The following RABGAP1L variants were observed in gnomAD, a reference collection of about 807,000 sequenced individuals.
RABGAP1L encodes the protein rab GTPase-activating protein 1-like.
In RABGAP1L, 63 loss-of-function variants were observed where a neutral mutation model predicts 137.7. That is an observed-to-expected ratio of 0.46 (90% CI 0.37 to 0.56). The LOEUF is 0.56. Ranked by LOEUF, RABGAP1L falls within the 20% of genes least tolerant of loss-of-function variation. RABGAP1L has a pLI of 0.00. For synonymous variants in RABGAP1L, 431 were observed against 433.7 expected, an observed-to-expected ratio of 0.99 and a Z score of 0.08; for missense variants, 1,095 against 1,244.0, an observed-to-expected ratio of 0.88 and a Z score of 1.80.
At chr1:174,842,497 C>CTTGG (rs1206830291) in intron 19 of RABGAP1L, among the ~76,000 whole-genome samples, 1 of 152,188 alleles carries the variant, frequency 6.6e-6, no homozygotes, top group East Asian at 1.9e-4. Context: ...TTCATATTTG[C>CTTGG]TTGGCCCTTT....
At chr1:174,788,621 C>T (rs1467382690) in intron 18 of RABGAP1L, among the ~76,000 whole-genome samples, 1 of 152,182 alleles carries the variant, frequency 6.6e-6, no homozygotes, top group Non-Finnish European at 1.5e-5. Context: ...ATCTTCGTAG[C>T]ATTCCTCACC....
intron 17 of RABGAP1L, among the ~76,000 whole-genome samples, chr1:174,718,820 G>A (rs1055998197): frequency 6.9e-6 from 1 of 144,540 alleles, no homozygotes; most frequent in African/African-American, 2.5e-5. Context: ...TAGTGTGGTA[G>A]GTTTTCTTTT....
Position 174,238,583 on chromosome 1 carries a change from G to T in RABGAP1L, c.543-2900G>T, listed in dbSNP as rs538700393. ...GTGCCTCCCAGTTAGGCTGCTCGGGGGTCAGGGGTCAGGGACCCACTTGAG... is the reference window on the plus strand; with the variant it reads ...GTGCCTCCCAGTTAGGCTGCTCGGGTGTCAGGGGTCAGGGACCCACTTGAG... On this transcript the variant is annotated intron_variant, in intron 4 of 25. Transcript: ENST00000681986. Among the ~76,000 whole-genome samples, 36 of 151,694 alleles carry T rather than the reference G, an allele frequency of 2.4e-4. No individual in the cohort carries two copies. In the South Asian group the frequency reaches 6.9e-3, roughly 29 times the overall value.
At chr1:174,206,958 T>TA (rs1020287469) in intron 1 of RABGAP1L, among the ~76,000 whole-genome samples, 9 of 152,182 alleles carry the variant, frequency 5.9e-5, no homozygotes, top group Non-Finnish European at 5.9e-5. Context: ...AGTGTGTCTT[T>TA]AAGTGATTTA....
chr1:174,255,199 G>T (rs1005501622), intron 7 of RABGAP1L, among the ~76,000 whole-genome samples: 4 of 152,082 alleles, frequency 2.6e-5, no homozygotes, highest in Non-Finnish European at 5.9e-5. Flanking sequence ...AAAAATAATG[G>T]TGAGTCTTAA....
chr1:174,953,330 C>G (rs1668020458), intron 19 of RABGAP1L, among the ~76,000 whole-genome samples: 1 of 152,176 alleles, frequency 6.6e-6, no homozygotes, highest in Non-Finnish European at 1.5e-5. Flanking sequence ...TCTTCCCCTC[C>G]CATATCTCCG....
chr1:174,497,470 G>GTTT (rs1660850358), intron 13 of RABGAP1L, among the ~76,000 whole-genome samples: 1 of 152,154 alleles, frequency 6.6e-6, no homozygotes, highest in African/African-American at 2.4e-5. Context: ...TTTCAGCCCT[G>GTTT]TCCTTCAAAA....
intron 13 of RABGAP1L, among the ~76,000 whole-genome samples, chr1:174,493,778 G>C (rs1355265135): frequency 6.9e-6 from 1 of 145,554 alleles, no homozygotes; most frequent in Non-Finnish European, 1.5e-5. Context: ...CCGAGATCAT[G>C]TCAGTGCACT....
At chr1:174,743,580 CTA>C (rs1683625890) in intron 17 of RABGAP1L, among the ~76,000 whole-genome samples, 1 of 152,102 alleles carries the variant, frequency 6.6e-6, no homozygotes, top group South Asian at 2.1e-4. Context: ...AACAAACCCC[CTA>C]TGTCACAAGT....
intron 18 of RABGAP1L, among the ~76,000 whole-genome samples, chr1:174,806,346 T>C (rs1689296327): frequency 6.6e-6 from 1 of 152,202 alleles, no homozygotes. Flanking sequence ...ACTCCTGTAA[T>C]CTTAGCTACT....
intron 17 of RABGAP1L, among the ~76,000 whole-genome samples, chr1:174,737,125 T>C (rs534856427): frequency 6.6e-6 from 1 of 152,340 alleles, no homozygotes; most frequent in Admixed American, 6.5e-5. Flanking sequence ...TGCTTTTTCA[T>C]GCTCTGCCAC....
intron 5 of RABGAP1L, among the ~76,000 whole-genome samples, chr1:174,246,540 TG>T (rs1672279495): frequency 6.6e-6 from 1 of 152,234 alleles, no homozygotes; most frequent in African/African-American, 2.4e-5. Context: ...TCATCTGTAC[TG>T]AATATCTATA....
chr1:174,186,935 A>T (rs1384417516), intron 1 of RABGAP1L, among the ~76,000 whole-genome samples: 1 of 152,168 alleles, frequency 6.6e-6, no homozygotes, highest in African/African-American at 2.4e-5. Flanking sequence ...TTAAAACTTT[A>T]AATCCTTAAA....
At chr1:174,347,061 A>C (rs1264579645) in intron 11 of RABGAP1L, among the ~76,000 whole-genome samples, 1 of 152,096 alleles carries the variant, frequency 6.6e-6, no homozygotes, top group African/African-American at 2.4e-5. Context: ...AGTTTTATTT[A>C]GTTGTGGGCA....
chr1:174,369,322 T>A (rs1046141910), intron 11 of RABGAP1L, among the ~76,000 whole-genome samples: 5 of 152,146 alleles, frequency 3.3e-5, no homozygotes, highest in African/African-American at 1.2e-4. Context: ...CCTGAGTAGC[T>A]GGGACTATAG....
At chr1:174,747,872 T>C (rs1479158554) in intron 17 of RABGAP1L, among the ~76,000 whole-genome samples, 1 of 56,142 alleles carries the variant, frequency 1.8e-5, no homozygotes, top group Non-Finnish European at 3.0e-5. Flanking sequence ...GCATTTTATC[T>C]TTTTTTTTTT....
chr1:174,653,338 T>TA (rs1053935948), intron 14 of RABGAP1L, among the ~76,000 whole-genome samples: 1 of 151,778 alleles, frequency 6.6e-6, no homozygotes. Context: ...ACTGGGGTAT[T>TA]AAAAAAAACT....
intron 13 of RABGAP1L, among the ~76,000 whole-genome samples, chr1:174,411,129 G>T (rs922411373): frequency 6.6e-6 from 1 of 152,074 alleles, no homozygotes; most frequent in Admixed American, 6.6e-5. Context: ...TCAGTTCCAG[G>T]AACCTTCTGG....
At chr1:174,436,935 C>T (rs1023523072) in intron 13 of RABGAP1L, among the ~76,000 whole-genome samples, 11 of 152,230 alleles carry the variant, frequency 7.2e-5, no homozygotes, top group African/African-American at 9.6e-5. Flanking sequence ...CTGCAGCCAC[C>T]GCTGCTGATA....
Sources: allele counts gnomAD v4.1 joint callset (sites outside exome capture counted in the v4.1 genomes callset), GRCh38; gene constraint gnomAD v4.1.1; transcripts MANE v1.5; gene names NCBI Gene and HGNC (gene_info 2026-07-23, HGNC 2026-07-21).